The following LRMDA variants were observed in gnomAD, a reference collection of about 807,000 sequenced individuals.
LRMDA encodes the protein leucine-rich melanocyte differentiation-associated protein.
Under a neutral mutation model 29.8 loss-of-function variants are expected in LRMDA, and 18 were observed. The ratio of observed to expected loss-of-function variants is 0.60; its 90% CI spans 0.42 to 0.90. LRMDA has a LOEUF of 0.90. LRMDA is among the 40% of genes least tolerant of loss of function. The pLI is 0.00. For missense variants in LRMDA, 273 were observed against 273.9 expected (o/e 1.00, Z 0.02); for synonymous variants, 125 against 109.4 (o/e 1.14, Z -0.89).
intron 2 of LRMDA, among the ~76,000 whole-genome samples, chr10:75,542,753 C>T (rs1397172227): frequency 1.3e-5 from 2 of 152,184 alleles, no homozygotes; most frequent in African/African-American, 4.8e-5. Context: ...AAGATGACAG[C>T]CAGCGTCATG....
At chr10:75,466,435 A>T (rs1844651153) in intron 2 of LRMDA, among the ~76,000 whole-genome samples, 2 of 151,992 alleles carry the variant, frequency 1.3e-5, no homozygotes, top group South Asian at 2.1e-4. Flanking sequence ...TCTTTGCCTG[A>T]TAAGTTCTTC....
chr10:75,752,361 G>A (rs1244903306), intron 2 of LRMDA, among the ~76,000 whole-genome samples: 6 of 151,814 alleles, frequency 4.0e-5, no homozygotes, highest in Admixed American at 6.6e-5. Flanking sequence ...ACAGGCGCCC[G>A]CCACCAGGCC....
chr10:76,342,816 A>G (rs1841057451), intron 6 of LRMDA, among the ~76,000 whole-genome samples: 3 of 152,128 alleles, frequency 2.0e-5, no homozygotes, highest in African/African-American at 7.2e-5. Context: ...AGATTGAAAC[A>G]GTTTGATTTC....
chr10:76,345,832 T>C (rs1841101957), intron 6 of LRMDA, among the ~76,000 whole-genome samples: 1 of 152,194 alleles, frequency 6.6e-6, no homozygotes, highest in Non-Finnish European at 1.5e-5. Context: ...CATTGAAGCA[T>C]TTTTCTAGTA....
At chr10:76,088,135 A>G (rs553375445) in intron 5 of LRMDA, among the ~76,000 whole-genome samples, 24 of 152,250 alleles carry the variant, frequency 1.6e-4, no homozygotes, top group Non-Finnish European at 2.8e-4. Context: ...GACACACAAA[A>G]AGAACTCTAA....
intron 2 of LRMDA, among the ~76,000 whole-genome samples, chr10:75,513,795 A>G (rs1845256387): frequency 6.6e-6 from 1 of 152,154 alleles, no homozygotes; most frequent in East Asian, 1.9e-4. Flanking sequence ...CACTAGGCCC[A>G]CCTGGGTAAT....
chr10:75,751,044 G>C (rs1451211084), intron 2 of LRMDA, among the ~76,000 whole-genome samples: 2 of 152,220 alleles, frequency 1.3e-5, no homozygotes, highest in African/African-American at 4.8e-5. Flanking sequence ...CTGAGTGAGC[G>C]AGACTCCGTC....
chr10:76,190,981 C>T (rs1057491169), intron 5 of LRMDA, among the ~76,000 whole-genome samples: 3 of 152,122 alleles, frequency 2.0e-5, no homozygotes, highest in South Asian at 4.1e-4. Flanking sequence ...TAACCCCGAG[C>T]GGCTTTGCTC....
rs1362729082 is a variant in LRMDA at position 76,049,760 on chromosome 10, C to A, written c.398+2457C>A. 4.6e-5 allele frequency among the ~76,000 whole-genome samples: 7 copies of A among 151,856 alleles called. No homozygotes were observed. In the East Asian group the frequency reaches 1.4e-3, roughly 29 times the overall value. ...AAAACAATGCAGCTGCCTTTTTTTT[C>A]TTTTGGTAAAACATTTTCCTGGCCC... On this transcript the variant is annotated intron_variant, in intron 4 of 6. Coordinates refer to ENST00000611255, the MANE Select transcript of LRMDA (RefSeq NM_001305581.2).
chr10:75,659,254 T>C (rs1227961502), intron 2 of LRMDA, among the ~76,000 whole-genome samples: 1 of 152,224 alleles, frequency 6.6e-6, no homozygotes, highest in African/African-American at 2.4e-5. Flanking sequence ...ACTTTCTTCA[T>C]CAAGGTTGGC....
chr10:76,526,449 G>A (rs1308117703), intron 6 of LRMDA, among the ~76,000 whole-genome samples: 1 of 152,042 alleles, frequency 6.6e-6, no homozygotes, highest in Non-Finnish European at 1.5e-5. Flanking sequence ...TCCCTTATGA[G>A]GCATTCGCTT....
intron 6 of LRMDA, among the ~76,000 whole-genome samples, chr10:76,475,549 C>T (rs1015130557): frequency 1.3e-5 from 2 of 152,020 alleles, no homozygotes; most frequent in Non-Finnish European, 2.9e-5. Flanking sequence ...CCAAGCAGAC[C>T]TAATAGACAT....
chr10:76,326,966 T>A (rs1032791943), intron 6 of LRMDA, among the ~76,000 whole-genome samples: 1 of 152,228 alleles, frequency 6.6e-6, no homozygotes, highest in Non-Finnish European at 1.5e-5. Context: ...GTATGTCTGA[T>A]ATTTGTTTCT....
intron 2 of LRMDA, among the ~76,000 whole-genome samples, chr10:75,988,366 C>T (rs891552329): frequency 6.6e-6 from 1 of 152,004 alleles, no homozygotes. Context: ...GAACAGGGGA[C>T]CCAGAGACAG....
intron 2 of LRMDA, among the ~76,000 whole-genome samples, chr10:75,783,251 C>T (rs1843415876): frequency 6.6e-6 from 1 of 152,124 alleles, no homozygotes; most frequent in Non-Finnish European, 1.5e-5. Context: ...TCCTCGATCA[C>T]ATAGTCCTCA....
chr10:75,762,895 C>T (rs567266944), intron 2 of LRMDA, among the ~76,000 whole-genome samples: 1 of 152,300 alleles, frequency 6.6e-6, no homozygotes, highest in East Asian at 1.9e-4. Context: ...CTACCACACT[C>T]TGCCAGTGGG....
chr10:76,022,764 C>T (rs1022847832), intron 2 of LRMDA, among the ~76,000 whole-genome samples: 14 of 151,902 alleles, frequency 9.2e-5, no homozygotes, highest in South Asian at 2.1e-4. Context: ...AGGGGATGCT[C>T]AATAAATATT....
chr10:76,052,272 C>T (rs915205505), intron 4 of LRMDA, among the ~76,000 whole-genome samples: 1 of 152,220 alleles, frequency 6.6e-6, no homozygotes, highest in Non-Finnish European at 1.5e-5. Flanking sequence ...AAACAAAACT[C>T]TAATGACCCC....
chr10:75,443,615 G>A (rs1844356046), intron 2 of LRMDA, among the ~76,000 whole-genome samples: 1 of 152,146 alleles, frequency 6.6e-6, no homozygotes, highest in African/African-American at 2.4e-5. Flanking sequence ...TGCTGATTGT[G>A]TTGAGTATTT....
Sources: allele counts gnomAD v4.1 joint callset (sites outside exome capture counted in the v4.1 genomes callset), GRCh38; gene constraint gnomAD v4.1.1; transcripts MANE v1.5; gene names NCBI Gene and HGNC (gene_info 2026-07-23, HGNC 2026-07-21).